FNDC3A: variants seen among roughly 807,000 people sequenced by gnomAD.
FNDC3A encodes the protein fibronectin type III domain containing 3A.
FNDC3A carries 32 observed loss-of-function variants against 148.9 expected under a neutral mutation model. The ratio of observed to expected loss-of-function variants is 0.21; its 90% CI spans 0.16 to 0.29. The LOEUF (loss-of-function observed/expected upper bound fraction) is 0.29, where lower values mean the gene tolerates loss of function less well. Ranked by LOEUF, FNDC3A falls within the 10% of genes least tolerant of loss-of-function variation. The probability of loss-of-function intolerance (pLI) is 1.00; values close to 1 mark genes in which losing one functional copy is unlikely to be tolerated. For synonymous variants in FNDC3A, 472 were observed against 473.6 expected (o/e 1.00, Z 0.04); for missense variants, 1,191 against 1,452.8 (o/e 0.82, Z 2.93).
intron 1 of FNDC3A, among the ~76,000 whole-genome samples, chr13:48,988,844 C>CA (rs111401139): frequency 0.024 from 2,019 of 83,318 alleles, 22 homozygotes; most frequent in African/African-American, 0.051. Flanking sequence ...GAACTTGTCT[C>CA]AAAAAAAAAA....
intron 2 of FNDC3A, among the ~76,000 whole-genome samples, chr13:49,073,859 C>T (rs907080864): frequency 1.4e-5 from 2 of 142,270 alleles, no homozygotes; most frequent in African/African-American, 5.5e-5. Context: ...TATACACACA[C>T]ACATACATAT....
chr13:49,166,990 C>CA (rs11415973), intron 8 of FNDC3A, among the ~76,000 whole-genome samples: 88,561 of 151,700 alleles, frequency 0.58, 27,340 homozygotes, highest in Non-Finnish European at 0.68. Context: ...AACTCCACTC[C>CA]AAAAAAAAGA....
chr13:48,990,588 CAAAAAAAAAA>C lies in FNDC3A; in HGVS notation c.-40+14426_-40+14435del, dbSNP rs58007137. ...GCAACATGGTGAAATCCTGTCTCTCCAAAAAAAAAAAAAAAAAAAAAAAATTAGCCAGGCA... is the reference window on the plus strand; with the variant it reads ...GCAACATGGTGAAATCCTGTCTCTCCAAAAAAAAAAAAAATTAGCCAGGCA... On this transcript the variant is annotated intron_variant, in intron 1 of 25. Transcript: ENST00000492622. Among the ~76,000 whole-genome samples the C allele has an allele frequency of 5.5e-4, 32 of 58,120 alleles. 1 individual carries two copies. In the South Asian group the frequency reaches 0.014, roughly 26 times the overall value. 38.1% of individuals were successfully genotyped at this position (58,120 alleles called of 152,430 possible).
At position 49,188,537 on chromosome 13, in the gene FNDC3A, C is replaced by T. The variant is rs1415651633; in HGVS notation, c.1848C>T (p.Tyr616=). 1.9e-6 allele frequency: 3 copies of T among 1,612,466 alleles called. No homozygotes were observed. Among genetic ancestry groups the T allele is most frequent in the Non-Finnish European group, 2.5e-6 (3 of 1,178,624 alleles). Residue 616 remains tyrosine (Y), a synonymous_variant, in exon 17 of 26, where the codon TAC becomes TAT. Transcript: ENST00000492622. ...CAGGAAACAAATGGGAAATGATATACAGTGGTGCTACCAGGGAACATCTTT... is the reference window on the plus strand; with the variant it reads ...CAGGAAACAAATGGGAAATGATATATAGTGGTGCTACCAGGGAACATCTTT... ...GSNGNKWEMI[Y]SGATREHLCD...
At chr13:49,182,553 T>A (rs576230040) in intron 14 of FNDC3A, among the ~76,000 whole-genome samples, 1 of 152,202 alleles carries the variant, frequency 6.6e-6, no homozygotes, top group South Asian at 2.1e-4. Flanking sequence ...TTTTCTTTTT[T>A]TTTTTCCAGT....
chr13:49,125,493 T>A (rs1419211697), intron 4 of FNDC3A, among the ~76,000 whole-genome samples: 1 of 152,194 alleles, frequency 6.6e-6, no homozygotes, highest in African/African-American at 2.4e-5. Flanking sequence ...GGAATAGTTC[T>A]GGGTTCAGAG....
At chr13:49,184,786 C>G (rs142202639) in intron 14 of FNDC3A, among the ~76,000 whole-genome samples, 93 of 152,258 alleles carry the variant, frequency 6.1e-4, no homozygotes, top group Admixed American at 8.5e-4. Context: ...ACGACCTCCC[C>G]CTGTGCGGTC....
At chr13:49,032,494 C>T (rs139467447) in intron 2 of FNDC3A, among the ~76,000 whole-genome samples, 3,582 of 152,250 alleles carry the variant, frequency 0.024, 48 homozygotes, top group Middle Eastern at 0.051. Context: ...GGATGAACCT[C>T]AAAAACATTA....
At chr13:49,073,390 A>G (rs1877837689) in intron 2 of FNDC3A, among the ~76,000 whole-genome samples, 1 of 152,050 alleles carries the variant, frequency 6.6e-6, no homozygotes, top group Non-Finnish European at 1.5e-5. Flanking sequence ...AAAGAAGGAT[A>G]AATTAAAACA....
intron 10 of FNDC3A, 58 bp from the exon 11 acceptor site, chr13:49,171,985 A>G: frequency 8.9e-7 from 1 of 1,118,400 alleles, no homozygotes; most frequent in Non-Finnish European, 1.4e-6. Flanking sequence ...AGATCATCAC[A>G]GTATCATTTA....
chr13:49,095,895 C>T (rs1476958443), intron 3 of FNDC3A, among the ~76,000 whole-genome samples: 10 of 152,056 alleles, frequency 6.6e-5, no homozygotes, highest in Non-Finnish European at 1.5e-4. Context: ...TTTGTACCAT[C>T]TGCAGAAAAT....
intron 2 of FNDC3A, among the ~76,000 whole-genome samples, chr13:49,006,887 T>A (rs2137600368): frequency 6.6e-6 from 1 of 152,168 alleles, no homozygotes. Flanking sequence ...ATGGTAGGTA[T>A]TTTAACAGTA....
intron 10 of FNDC3A, among the ~76,000 whole-genome samples, chr13:49,170,924 G>T (rs1884722853): frequency 6.6e-6 from 1 of 152,140 alleles, no homozygotes; most frequent in South Asian, 2.1e-4. Flanking sequence ...GCAATCTGGA[G>T]TCATTAACAC....
chr13:49,100,209 TC>T (rs1317055676), intron 3 of FNDC3A, among the ~76,000 whole-genome samples: 1 of 152,150 alleles, frequency 6.6e-6, no homozygotes, highest in Non-Finnish European at 1.5e-5. Flanking sequence ...ATTTTATTTT[TC>T]GATAGATTTT....
chr13:49,058,841 C>T (rs1163525221), intron 2 of FNDC3A, among the ~76,000 whole-genome samples: 1 of 152,186 alleles, frequency 6.6e-6, no homozygotes, highest in Non-Finnish European at 1.5e-5. Flanking sequence ...ATTTATTTCA[C>T]ACCATTCAGA....
At chr13:49,073,694 ATGTATATATAATATATATG>A (rs1335667825) in intron 2 of FNDC3A, among the ~76,000 whole-genome samples, 123 of 146,798 alleles carry the variant, frequency 8.4e-4, no homozygotes, top group African/African-American at 2.6e-3. Context: ...TAAAATATAT[ATGTATATATAATATATATG>A]TGTATATATA....
At chr13:49,091,945 A>G (rs1231448529) in intron 3 of FNDC3A, among the ~76,000 whole-genome samples, 1 of 152,258 alleles carries the variant, frequency 6.6e-6, no homozygotes, top group African/African-American at 2.4e-5. Flanking sequence ...TTGATGACCC[A>G]TAGTCAAATA....
Position 49,114,735 on chromosome 13 carries a change from T to A in FNDC3A, c.252+4T>A. 6.3e-7 allele frequency: 1 copy of A among 1,579,324 alleles called. No homozygotes were observed. Among genetic ancestry groups the A allele is most frequent in the Non-Finnish European group, 8.7e-7 (1 of 1,148,354 alleles). Reference sequence around the variant, plus strand: ...GCCTCCTGGATATGCCCCACAGGTATGTTTTTATGCTATTTTTCTTTTCAT... The same window carrying A: ...GCCTCCTGGATATGCCCCACAGGTAAGTTTTTATGCTATTTTTCTTTTCAT... On this transcript the variant is annotated splice_donor_region_variant and intron_variant, in intron 4 of 25. Transcript: ENST00000492622.
chr13:49,189,949 C>T (rs578007824), intron 17 of FNDC3A, among the ~76,000 whole-genome samples: 28 of 152,224 alleles, frequency 1.8e-4, no homozygotes, highest in African/African-American at 6.0e-4. Flanking sequence ...TGCAGTGGCA[C>T]GATCTCGGCT....
Sources: allele counts gnomAD v4.1 joint callset (sites outside exome capture counted in the v4.1 genomes callset), GRCh38; gene constraint gnomAD v4.1.1; transcripts MANE v1.5; gene names NCBI Gene and HGNC (gene_info 2026-07-23, HGNC 2026-07-21).